Variants in SLC44A1 observed in about 807,000 individuals in gnomAD.
The protein encoded by SLC44A1 is solute carrier family 44 member 1.
Under a neutral mutation model 79.3 loss-of-function variants are expected in SLC44A1, and 26 were observed. The observed-to-expected ratio is 0.33, with a 90% confidence interval of 0.24 to 0.46. SLC44A1 has a LOEUF of 0.46. Ranked by LOEUF, SLC44A1 falls within the 20% of genes least tolerant of loss-of-function variation. The pLI is 1.00. For synonymous variants in SLC44A1, 263 were observed against 286.2 expected (o/e 0.92, Z 0.82); for missense variants, 688 against 798.1 (o/e 0.86, Z 1.66).
chr9:105,300,778 ATT>A (rs11416029), intron 2 of SLC44A1, among the ~76,000 whole-genome samples: 2 of 144,546 alleles, frequency 1.4e-5, no homozygotes, highest in African/African-American at 2.5e-5. Context: ...GAGAAAAAAA[ATT>A]TTTTTTTTTT....
intron 2 of SLC44A1, among the ~76,000 whole-genome samples, chr9:105,301,804 A>C (rs762663984): frequency 1.3e-5 from 2 of 152,206 alleles, no homozygotes; most frequent in Non-Finnish European, 2.9e-5. Flanking sequence ...TAGAATAGGA[A>C]CTGGAACTTT....
chr9:105,310,796 A>G (rs6479306), intron 3 of SLC44A1, among the ~76,000 whole-genome samples: 11,151 of 152,274 alleles, frequency 0.073, 771 homozygotes, highest in African/African-American at 0.18. Context: ...ACAAACCTGA[A>G]GAAATCCAAA....
At position 105,244,783 on chromosome 9, in the gene SLC44A1, C is replaced by A; in HGVS notation, c.-86C>A. 1.2e-6 allele frequency: 1 copy of A among 820,830 alleles called. No homozygotes were observed. The highest frequency in any genetic ancestry group is 5.1e-5 in the Admixed American group (1 of 19,786). 50.8% of individuals were successfully genotyped at this position (820,830 alleles called of 1,614,324 possible). A position where few individuals can be genotyped will look rare whatever the true frequency, so the allele number is the denominator to read the frequency against. On this transcript the variant is annotated 5_prime_UTR_variant, in exon 1 of 16. Coordinates refer to ENST00000374720, the MANE Select transcript of SLC44A1 (RefSeq NM_080546.5). Reference sequence around the variant, plus strand: ...CCGTGCGGTGCCAGGCCGCGCCCTCCCCGGGCGCCCGCCGGCTCGCATGCC... The same window carrying A: ...CCGTGCGGTGCCAGGCCGCGCCCTCACCGGGCGCCCGCCGGCTCGCATGCC...
chr9:105,258,291 A>G (rs1829758382), intron 1 of SLC44A1, among the ~76,000 whole-genome samples: 1 of 152,228 alleles, frequency 6.6e-6, no homozygotes, highest in Non-Finnish European at 1.5e-5. Flanking sequence ...TATTTTCCAT[A>G]GGGAATTGAA....
At chr9:105,311,031 A>T (rs1831166832) in intron 3 of SLC44A1, among the ~76,000 whole-genome samples, 1 of 152,160 alleles carries the variant, frequency 6.6e-6, no homozygotes, top group Non-Finnish European at 1.5e-5. Context: ...CCAGAAGATG[A>T]GTTTTTCTCT....
intron 4 of SLC44A1, among the ~76,000 whole-genome samples, chr9:105,347,043 A>G (rs1163704242): frequency 6.6e-6 from 1 of 152,064 alleles, no homozygotes. Flanking sequence ...CTTTCTAAAA[A>G]TTATTTTGAT....
chr9:105,403,274 C>T (rs924459092), intron 15 of SLC44A1, among the ~76,000 whole-genome samples: 1 of 151,968 alleles, frequency 6.6e-6, no homozygotes, highest in Non-Finnish European at 1.5e-5. Flanking sequence ...ACACAAAGAT[C>T]GATAGAATTT....
In SLC44A1 at chr9:105,383,989, A is replaced by ATGTTACT. The variant is rs1191159923; in HGVS notation, c.1869+631_1869+632insGTTACTT. Among the ~76,000 whole-genome samples, 3 of 152,332 alleles carry ATGTTACT rather than the reference A, an allele frequency of 2.0e-5. No individual in the cohort carries two copies. The East Asian group carries it at 5.8e-4, about 29-fold the overall frequency. On this transcript the variant is annotated intron_variant, in intron 14 of 15. Transcript: ENST00000374720. ...CTTATTAAATGGTTTAAGTACTGTT[A>ATGTTACT]TAATCAGTGTTAAATGTTACCAAAG...
At chr9:105,422,396 C>T (rs935666074) in intron 15 of SLC44A1, among the ~76,000 whole-genome samples, 2 of 145,858 alleles carry the variant, frequency 1.4e-5, no homozygotes, top group East Asian at 4.4e-4. Flanking sequence ...TCAAGCAATT[C>T]TCCTGCCTCA....
intron 15 of SLC44A1, among the ~76,000 whole-genome samples, chr9:105,408,408 G>A (rs1829056162): frequency 6.6e-6 from 1 of 152,104 alleles, no homozygotes; most frequent in South Asian, 2.1e-4. Context: ...CTCATTTGTT[G>A]TTGTTGTTGT....
At chr9:105,263,527 A>T (rs1325548150) in intron 1 of SLC44A1, among the ~76,000 whole-genome samples, 1 of 149,744 alleles carries the variant, frequency 6.7e-6, no homozygotes, top group Admixed American at 6.6e-5. Context: ...TATCAGTTAC[A>T]CATGTGTGTA....
Position 105,271,380 on chromosome 9 carries a change from A to G in SLC44A1, c.36+26476A>G, listed in dbSNP as rs181791515. On this transcript the variant is annotated intron_variant, in intron 1 of 15. Transcript: ENST00000374720. ...TTCCCTTGTATCTTTTTTTCCCCCTAAATTACCTCCCTTAATTCCAAGTGG... is the reference window on the plus strand; with the variant it reads ...TTCCCTTGTATCTTTTTTTCCCCCTGAATTACCTCCCTTAATTCCAAGTGG... Among the ~76,000 whole-genome samples the G allele has an allele frequency of 2.0e-5, 3 of 152,182 alleles. No homozygotes were observed. In the East Asian group the frequency reaches 5.8e-4, roughly 29 times the overall value.
rs1828801803 is a variant in SLC44A1, at chr9:105,393,073, C to T, written c.*4017C>T. On this transcript the variant is annotated 3_prime_UTR_variant, in exon 16 of 16. Transcript: ENST00000374720. ...ATTCCATCTGACACATACGAGTGCA[C>T]TATAATGGCTTGCCTAGAACTGGTA... is the stretch of plus-strand genomic sequence containing the variant. 1 of 985,320 alleles carries T rather than the reference C, an allele frequency of 1.0e-6. No homozygotes were observed. Among genetic ancestry groups the T allele is most frequent in the Non-Finnish European group, 1.2e-6 (1 of 829,860 alleles). 61.0% of individuals were successfully genotyped at this position (985,320 alleles called of 1,614,324 possible). A position where few individuals can be genotyped will look rare whatever the true frequency, so the allele number is the denominator to read the frequency against.
intron 4 of SLC44A1, among the ~76,000 whole-genome samples, chr9:105,336,481 T>A (rs560096547): frequency 6.6e-6 from 1 of 152,280 alleles, no homozygotes; most frequent in South Asian, 2.1e-4. Context: ...TCAGTTCTCT[T>A]CAGAGAATCG....
intron 13 of SLC44A1, among the ~76,000 whole-genome samples, chr9:105,382,043 TA>T (rs1828483456): frequency 6.6e-6 from 1 of 151,592 alleles, no homozygotes; most frequent in Admixed American, 6.6e-5. Flanking sequence ...TAGAATCCAT[TA>T]CTGCTGTGGA....
At position 105,368,580 on chromosome 9, in the gene SLC44A1, A is replaced by G. The variant is rs1360127964; in HGVS notation, c.1494+2151A>G. On this transcript the variant is annotated intron_variant, in intron 12 of 15. Transcript: ENST00000374720. ...CAAATCATTTTGCCTTGCTCTTTCC[A>G]GTATATCACACTGCTGCCATTATAT... Among the ~76,000 whole-genome samples, 8 of 152,332 alleles carry G rather than the reference A, an allele frequency of 5.3e-5. No homozygotes were observed. The South Asian group carries it at 1.0e-3, about 20-fold the overall frequency.
chr9:105,363,256 G>A (rs575560399), intron 9 of SLC44A1, among the ~76,000 whole-genome samples: 3 of 151,752 alleles, frequency 2.0e-5, no homozygotes, highest in East Asian at 1.9e-4. Context: ...TCCGCCTCCC[G>A]GGTTCAAGTG....
chr9:105,288,931 T>C (rs1038672875), intron 1 of SLC44A1, among the ~76,000 whole-genome samples: 10 of 152,160 alleles, frequency 6.6e-5, no homozygotes, highest in Non-Finnish European at 1.3e-4. Context: ...AAGAAATCCT[T>C]CTTGAAAGAC....
At position 105,282,793 on chromosome 9, in the gene SLC44A1, C is replaced by G. The variant is rs187964560; in HGVS notation, c.37-16427C>G. 7.7e-4 allele frequency among the ~76,000 whole-genome samples: 117 copies of G among 152,198 alleles called. 2 individuals are homozygous for G. The East Asian group carries it at 0.018, about 24-fold the overall frequency. ...TGAACTCTGACCTCGTGATCCACCCCCCTTGGCCTCCCAAAGTGCTGGGAT... is the reference window on the plus strand; with the variant it reads ...TGAACTCTGACCTCGTGATCCACCCGCCTTGGCCTCCCAAAGTGCTGGGAT... On this transcript the variant is annotated intron_variant, in intron 1 of 15. Coordinates refer to ENST00000374720, the MANE Select transcript of SLC44A1 (RefSeq NM_080546.5).
Sources: gnomAD v4.1 joint callset for allele counts (sites outside exome capture counted in the v4.1 genomes callset) on GRCh38, gnomAD v4.1.1 for gene constraint, MANE v1.5 for transcripts, NCBI Gene and HGNC (gene_info 2026-07-23, HGNC 2026-07-21) for gene names.